CCL17: variants seen among roughly 807,000 people sequenced by gnomAD.
CCL17 encodes C-C motif chemokine 17.
Under a neutral mutation model 7.4 loss-of-function variants are expected in CCL17, and 8 were observed. That is an observed-to-expected ratio of 1.09 (90% confidence interval 0.64 to 1.96). The LOEUF (loss-of-function observed/expected upper bound fraction) is 1.96, where lower values mean the gene tolerates loss of function less well. Among genes scored for constraint, CCL17 ranks in the 30% most tolerant of loss-of-function variants. CCL17 has a pLI of 0.00. For missense variants in CCL17, 102 were observed against 113.0 expected (o/e 0.90, Z 0.44); for synonymous variants, 40 against 46.1 (o/e 0.87, Z 0.54).
intron 1 of CCL17, among the ~76,000 whole-genome samples, chr16:57,413,212 G>C (rs1386190836): frequency 1.3e-5 from 2 of 152,204 alleles, no homozygotes; most frequent in African/African-American, 2.4e-5. Flanking sequence ...AAGCACCGTT[G>C]GGCTCTTGCC....
At position 57,415,253 on chromosome 16, in the gene CCL17, C is replaced by T; in HGVS notation, c.188+55C>T. 1.7e-6 allele frequency: 2 copies of T among 1,170,550 alleles called. No individual in the cohort carries two copies. Among genetic ancestry groups the T allele is most frequent in the Admixed American group, 1.7e-5 (1 of 59,366 alleles). The allele number at this position is 1,170,550 out of a possible 1,614,324, so 72.5% of individuals were successfully genotyped here. A position where few individuals can be genotyped will look rare whatever the true frequency, so the allele number is the denominator to read the frequency against. ...TCAGGGCCAAGCATGGGGACAAGTG[C>T]ACCCTGGAGCTCCCAGGACGGCCAA... On this transcript the variant is annotated intron_variant, in intron 3 of 3. Transcript: ENST00000219244. This position sits in a 1 kb window ranked among gnomAD's most constrained non-coding sequence, Gnocchi z 4.5.
chr16:57,403,502 AT>A (rs1377951064), upstream of CCL17, among the ~76,000 whole-genome samples: 461 of 24,960 alleles, frequency 0.018, 98 homozygotes, highest in African/African-American at 0.12. Flanking sequence ...ATATATTATA[AT>A]ATATATATTA....
chr16:57,403,480 A>T (rs1461933402), upstream of CCL17, among the ~76,000 whole-genome samples: 1 of 1,880 alleles, frequency 5.3e-4, no homozygotes, highest in African/African-American at 9.2e-4. Flanking sequence ...TATATATATT[A>T]TATAATAATA....
Position 57,415,156 on chromosome 16 carries a change from CG to C in CCL17, c.147del (p.Trp50GlyfsTer16), listed in dbSNP as rs1426979054. On this transcript the variant is annotated frameshift_variant, in exon 3 of 4. Coordinates refer to ENST00000219244, the MANE Select transcript of CCL17 (RefSeq NM_002987.3). LOFTEE classifies it low-confidence loss of function (END_TRUNC). This position sits in a 1 kb window ranked among gnomAD's most constrained non-coding sequence, Gnocchi z 4.5. The stretch of plus-strand genomic sequence containing the variant: ...GCCATTCCCCTTAGAAAGCTGAAGA[CG>C]TGGTACCAGACATCTGAGGACTGCT... ...KGAIPLRKLK[T>X]WYQTSEDCSR... The C allele has an allele frequency of 6.2e-7, 1 of 1,613,804 alleles. No individual in the cohort carries two copies. Among genetic ancestry groups the C allele is most frequent in the African/African-American group, 1.3e-5 (1 of 75,038 alleles).
At chr16:57,396,156 G>T in the CCL17 span, among the ~76,000 whole-genome samples, 1 of 152,178 alleles carries the variant, frequency 6.6e-6, no homozygotes, top group Admixed American at 6.5e-5. Context: ...CTATAAGTAG[G>T]GGTATTAGTT....
chr16:57,414,410 C>CTT (rs71152269), intron 2 of CCL17, among the ~76,000 whole-genome samples: 2,443 of 75,992 alleles, frequency 0.032, 573 homozygotes, highest in African/African-American at 0.072. Context: ...AAAAAGGATT[C>CTT]TTTTTTTTTT....
At chr16:57,411,476 G>A (rs1456885390) in intron 1 of CCL17, among the ~76,000 whole-genome samples, 1 of 152,230 alleles carries the variant, frequency 6.6e-6, no homozygotes, top group African/African-American at 2.4e-5. Flanking sequence ...GAGTCTGCAG[G>A]AAAGCGAAGA....
chr16:57,402,817 C>T (rs1902611625), upstream of CCL17, among the ~76,000 whole-genome samples: 1 of 151,962 alleles, frequency 6.6e-6, no homozygotes, highest in African/African-American at 2.4e-5. Context: ...TTTATCCATT[C>T]ACTCACTTAA....
intron 1 of CCL17, among the ~76,000 whole-genome samples, chr16:57,412,761 C>T (rs1337356211): frequency 1.3e-5 from 2 of 152,150 alleles, no homozygotes; most frequent in Non-Finnish European, 2.9e-5. Context: ...GGCCATGGGA[C>T]TCTCATCCTA....
chr16:57,398,851 C>A, the CCL17 span, among the ~76,000 whole-genome samples: 1 of 152,188 alleles, frequency 6.6e-6, no homozygotes, highest in Non-Finnish European at 1.5e-5. Flanking sequence ...AGTCCCTGAA[C>A]TTGAGAAGTG....
intron 1 of CCL17, among the ~76,000 whole-genome samples, chr16:57,406,167 C>G (rs1422861322): frequency 6.6e-6 from 1 of 152,218 alleles, no homozygotes; most frequent in Non-Finnish European, 1.5e-5. Flanking sequence ...CTCCTGCCAC[C>G]AGCTAGCTCT....
chr16:57,410,864 C>T (rs555269517), intron 1 of CCL17, among the ~76,000 whole-genome samples: 1 of 152,344 alleles, frequency 6.6e-6, no homozygotes, highest in African/African-American at 2.4e-5. Context: ...ACTGAAGGTT[C>T]ACTGCATGCC....
upstream of CCL17, among the ~76,000 whole-genome samples, chr16:57,403,333 TTATTATCTATAATATATATAATATATATA>T (rs1902624361): frequency 1.7e-3 from 35 of 20,730 alleles, no homozygotes; most frequent in Non-Finnish European, 2.4e-3. Flanking sequence ...ATAATATATA[TTATTATCTATAATATATATAATATATATA>T]TTATAATATA....
rs781519235 is a variant in CCL17, at chr16:57,415,046, T to G, written c.71-35T>G. ...GTCCCCGCAACACACACGCAGACAC[T>G]CACAGACACCCCTGCCCCGCTCCTC... On this transcript the variant is annotated intron_variant, in intron 2 of 3. Coordinates refer to ENST00000219244, the MANE Select transcript of CCL17 (RefSeq NM_002987.3). This position sits in a 1 kb window ranked among gnomAD's most constrained non-coding sequence, Gnocchi z 4.5. 1 of 1,436,070 alleles carries G rather than the reference T, an allele frequency of 7.0e-7. No homozygotes were observed. The highest frequency in any genetic ancestry group is 1.7e-5 in the Admixed American group (1 of 59,758). The allele number at this position is 1,436,070 out of a possible 1,614,324, so 89.0% of individuals were successfully genotyped here.
In CCL17 at chr16:57,415,888, G is replaced by A. The variant is rs936294432; in HGVS notation, c.*27G>A. 1 of 1,461,200 alleles carries A rather than the reference G, an allele frequency of 6.8e-7. No individual in the cohort carries two copies. Among genetic ancestry groups the A allele is most frequent in the Non-Finnish European group, 9.6e-7 (1 of 1,040,640 alleles). The allele number at this position is 1,461,200 out of a possible 1,614,324, so 90.5% of individuals were successfully genotyped here. On this transcript the variant is annotated 3_prime_UTR_variant, in exon 4 of 4. Transcript: ENST00000219244. The surrounding 1 kb of genome is among the most constrained non-coding windows in gnomAD (Gnocchi z 4.5). ...GCCTCCTCACCCCAGACTCCTGACT[G>A]TCTCCCGGGACTACCTGGGACCTCC...
In CCL17 at chr16:57,414,056, G is replaced by A. The variant is rs1377686734; in HGVS notation, c.70+54G>A. On this transcript the variant is annotated intron_variant, in intron 2 of 3. Transcript: ENST00000219244. Reference sequence around the variant, plus strand: ...CAGGCACCGGGAGGACAGGGGTTGGGGGCATGAAGACCACCACAGCAATAC... The same window carrying A: ...CAGGCACCGGGAGGACAGGGGTTGGAGGCATGAAGACCACCACAGCAATAC... 4.8e-6 allele frequency: 7 copies of A among 1,463,770 alleles called. No individual in the cohort carries two copies. The African/African-American group carries it at 5.6e-5, about 12-fold the overall frequency. The allele number at this position is 1,463,770 out of a possible 1,614,324, so 90.7% of individuals were successfully genotyped here. A position where few individuals can be genotyped will look rare whatever the true frequency, so the allele number is the denominator to read the frequency against.
upstream of CCL17, among the ~76,000 whole-genome samples, chr16:57,400,086 G>A (rs1433447194): frequency 6.6e-6 from 1 of 152,216 alleles, no homozygotes; most frequent in African/African-American, 2.4e-5. Flanking sequence ...CTGGCAGGAC[G>A]CGGTGGCTCA....
chr16:57,412,851 C>T (rs1902806883), intron 1 of CCL17, among the ~76,000 whole-genome samples: 1 of 152,212 alleles, frequency 6.6e-6, no homozygotes, highest in Non-Finnish European at 1.5e-5. Context: ...AGGGGACTGA[C>T]CCGCATGCAG....
chr16:57,403,872 G>A (rs1332886466), upstream of CCL17, among the ~76,000 whole-genome samples: 1 of 150,502 alleles, frequency 6.6e-6, no homozygotes, highest in African/African-American at 2.5e-5. Flanking sequence ...GGCCAGGCTG[G>A]TCTCGAACCC....
Sources: allele counts gnomAD v4.1 joint callset (sites outside exome capture counted in the v4.1 genomes callset), GRCh38; gene constraint gnomAD v4.1.1; non-coding constraint Gnocchi (gnomAD v3.1); transcripts MANE v1.5; gene names NCBI Gene and HGNC (gene_info 2026-07-23, HGNC 2026-07-21).